CADM2: variants seen among roughly 807,000 people sequenced by gnomAD.
CADM2 encodes the protein cell adhesion molecule 2.
Under a neutral mutation model 49.8 loss-of-function variants are expected in CADM2, and 12 were observed. The ratio of observed to expected loss-of-function variants is 0.24; its 90% confidence interval spans 0.15 to 0.39. The LOEUF (loss-of-function observed/expected upper bound fraction) is 0.39, where lower values mean the gene tolerates loss of function less well. Among genes scored for constraint, CADM2 ranks in the 10% least tolerant of loss-of-function variants. The pLI is 1.00. For missense variants in CADM2, 378 were observed against 492.3 expected, an observed-to-expected ratio of 0.77 and a Z score of 2.20; for synonymous variants, 214 against 175.4, an observed-to-expected ratio of 1.22 and a Z score of -1.74.
chr3:85,369,320 A>G (rs2033024399), intron 1 of CADM2, among the ~76,000 whole-genome samples: 1 of 152,210 alleles, frequency 6.6e-6, no homozygotes, highest in Admixed American at 6.5e-5. Flanking sequence ...ATGACTACAT[A>G]TATGATGGTG....
chr3:85,291,073 C>A (rs2043779750), intron 1 of CADM2, among the ~76,000 whole-genome samples: 1 of 151,964 alleles, frequency 6.6e-6, no homozygotes, highest in African/African-American at 2.4e-5. Context: ...TTAGAATAAC[C>A]AATACAGAGA....
At chr3:84,984,845 A>T (rs2032457252) in intron 1 of CADM2, among the ~76,000 whole-genome samples, 1 of 152,160 alleles carries the variant, frequency 6.6e-6, no homozygotes, top group Non-Finnish European at 1.5e-5. Flanking sequence ...GCCTTTACAC[A>T]TGCCAAACAT....
At chr3:85,825,179 G>A (rs1412493218) in intron 3 of CADM2, among the ~76,000 whole-genome samples, 1 of 152,042 alleles carries the variant, frequency 6.6e-6, no homozygotes, top group Non-Finnish European at 1.5e-5. Context: ...AGCATTTAAA[G>A]TACAATTACC....
At chr3:85,925,230 A>G (rs1719671629) in intron 6 of CADM2, among the ~76,000 whole-genome samples, 1 of 152,166 alleles carries the variant, frequency 6.6e-6, no homozygotes, top group Admixed American at 6.6e-5. Context: ...TTTGAACTAT[A>G]TATAATTTAT....
intron 1 of CADM2, among the ~76,000 whole-genome samples, chr3:85,342,127 A>G (rs2029908751): frequency 1.3e-5 from 2 of 152,140 alleles, no homozygotes; most frequent in African/African-American, 4.8e-5. Context: ...ACAAAGGGCT[A>G]ATATCTGGAA....
chr3:85,820,588 A>G (rs1381972283), intron 3 of CADM2, among the ~76,000 whole-genome samples: 2 of 152,186 alleles, frequency 1.3e-5, no homozygotes, highest in East Asian at 3.9e-4. Flanking sequence ...AACACTTGAA[A>G]TAACAAACTT....
At chr3:85,356,610 G>C (rs2031882561) in intron 1 of CADM2, among the ~76,000 whole-genome samples, 1 of 152,116 alleles carries the variant, frequency 6.6e-6, no homozygotes, top group African/African-American at 2.4e-5. Flanking sequence ...TTATGGGAAA[G>C]AGAAACACGT....
chr3:86,013,294 T>A lies in CADM2; in HGVS notation c.970+51647T>A, dbSNP rs73134197. ...GAGGGTGAAGGGCAAGATGAGGACA[T>A]TTTACCTCTATCCCTTGAAGAGAAG... On this transcript the variant is annotated intron_variant, in intron 8 of 9. Coordinates refer to ENST00000383699, the MANE Select transcript of CADM2 (RefSeq NM_001167675.2). 13,939 of 1,530,496 alleles carry A rather than the reference T, an allele frequency of 9.1e-3. 84 individuals carry two copies. Among genetic ancestry groups the A allele is most frequent in the Middle Eastern group, 0.03 (127 of 4,230 alleles). The allele number at this position is 1,530,496 out of a possible 1,614,324, so 94.8% of individuals were successfully genotyped here. A position where few individuals can be genotyped will look rare whatever the true frequency, so the allele number is the denominator to read the frequency against.
Position 85,373,796 on chromosome 3 carries a change from C to T in CADM2, c.62-352726C>T, listed in dbSNP as rs186739884. 1.3e-3 allele frequency among the ~76,000 whole-genome samples: 193 copies of T among 152,304 alleles called. 2 individuals are homozygous for T. The highest frequency in any genetic ancestry group is 9.0e-3 in the Admixed American group (137 of 15,296). ...GGTGTAGGGCCTGCACCCTTTGAAG[C>T]AACAGCCTAAGCTGTATGTTGGCCC... On this transcript the variant is annotated intron_variant, in intron 1 of 9. Coordinates refer to ENST00000383699, the MANE Select transcript of CADM2 (RefSeq NM_001167675.2).
chr3:85,543,432 GTGTGT>G, intron 1 of CADM2, among the ~76,000 whole-genome samples: 1 of 150,548 alleles, frequency 6.6e-6, no homozygotes, highest in South Asian at 2.1e-4. Flanking sequence ...GTGTGTGTGT[GTGTGT>G]GTGTGTGTGT....
rs1416720228 is a variant in CADM2 at position 84,959,272 on chromosome 3, T to C, written c.-336T>C. ...ACCCCGGCATCCCTGCACCACCTGC[T>C]CGGGCAGCCCCGGCGGGCTCTGGGA... On this transcript the variant is annotated 5_prime_UTR_variant, in exon 1 of 10. Coordinates refer to ENST00000383699, the MANE Select transcript of CADM2 (RefSeq NM_001167675.2). 1.7e-5 allele frequency: 8 copies of C among 464,798 alleles called. No homozygotes were observed. Among genetic ancestry groups the C allele is most frequent in the African/African-American group, 1.4e-4 (7 of 49,722 alleles). 28.8% of individuals were successfully genotyped at this position (464,798 alleles called of 1,614,324 possible). A position where few individuals can be genotyped will look rare whatever the true frequency, so the allele number is the denominator to read the frequency against.
intron 8 of CADM2, among the ~76,000 whole-genome samples, chr3:86,041,577 T>C (rs1027938644): frequency 2.0e-5 from 3 of 152,106 alleles, no homozygotes; most frequent in African/African-American, 7.2e-5. Context: ...CCCAGATTCA[T>C]AAAGCAAGTC....
chr3:85,541,884 G>A (rs922105283), intron 1 of CADM2, among the ~76,000 whole-genome samples: 2 of 149,756 alleles, frequency 1.3e-5, no homozygotes, highest in Non-Finnish European at 3.0e-5. Context: ...AAAAAAGTAG[G>A]CAGAAAAGCA....
At chr3:85,640,145 C>A (rs937385527) in intron 1 of CADM2, among the ~76,000 whole-genome samples, 33 of 152,126 alleles carry the variant, frequency 2.2e-4, no homozygotes, top group Non-Finnish European at 2.6e-4. Flanking sequence ...GTCATAGTAC[C>A]TTGTGCATTT....
chr3:85,391,253 G>T (rs540472647), intron 1 of CADM2, among the ~76,000 whole-genome samples: 1 of 152,002 alleles, frequency 6.6e-6, no homozygotes, highest in South Asian at 2.1e-4. Flanking sequence ...CTAGTTGAAA[G>T]AAATAAAAGA....
At chr3:85,707,393 C>CTTTTTTTTTTTTTTTT (rs34006416) in intron 1 of CADM2, among the ~76,000 whole-genome samples, 3 of 128,662 alleles carry the variant, frequency 2.3e-5, no homozygotes, top group Non-Finnish European at 4.8e-5. Flanking sequence ...ATCATTGTAT[C>CTTTTTTTTTTTTTTTT]TTTTTTTTTT....
At chr3:85,371,619 CTGTG>C (rs71108284) in intron 1 of CADM2, among the ~76,000 whole-genome samples, 4,487 of 124,560 alleles carry the variant, frequency 0.036, 282 homozygotes, top group African/African-American at 0.13. Context: ...CCACACATCA[CTGTG>C]TGTGTGTGTG....
chr3:85,471,617 CTT>C (rs2038769132), intron 1 of CADM2, among the ~76,000 whole-genome samples: 1 of 151,882 alleles, frequency 6.6e-6, no homozygotes, highest in Non-Finnish European at 1.5e-5. Flanking sequence ...AACAAAGAAA[CTT>C]TAAAAAATTC....
intron 2 of CADM2, among the ~76,000 whole-genome samples, chr3:85,790,654 C>T (rs1429813874): frequency 2.6e-5 from 4 of 152,122 alleles, no homozygotes; most frequent in Admixed American, 6.6e-5. Flanking sequence ...CTCACAATGG[C>T]CATAGTGAAC....
Sources: gnomAD v4.1 joint callset for allele counts (sites outside exome capture counted in the v4.1 genomes callset) on GRCh38, gnomAD v4.1.1 for gene constraint, MANE v1.5 for transcripts, NCBI Gene and HGNC (gene_info 2026-07-23, HGNC 2026-07-21) for gene names.